UNC13C: variants seen among roughly 807,000 people sequenced by gnomAD.
UNC13C encodes unc-13 homolog C.
Under a neutral mutation model 245.4 loss-of-function variants are expected in UNC13C, and 174 were observed. The ratio of observed to expected loss-of-function variants is 0.71; its 90% confidence interval spans 0.63 to 0.80. UNC13C has a LOEUF of 0.80. Among genes scored for constraint, UNC13C ranks in the 30% least tolerant of loss-of-function variants. The pLI, the probability that UNC13C is intolerant of heterozygous loss-of-function variation, is 0.00. For synonymous variants in UNC13C, 992 were observed against 895.1 expected (o/e 1.11, Z -1.93); for missense variants, 2,829 against 2,602.9 (o/e 1.09, Z -1.89).
chr15:54,436,365 G>A (rs1319803301), intron 19 of UNC13C, among the ~76,000 whole-genome samples: 1 of 151,986 alleles, frequency 6.6e-6, no homozygotes, highest in African/African-American at 2.4e-5. Context: ...GCACATGTAT[G>A]TTTATTGCAG....
chr15:54,228,322 C>G (rs1022590064), intron 4 of UNC13C, among the ~76,000 whole-genome samples: 1 of 152,184 alleles, frequency 6.6e-6, no homozygotes, highest in South Asian at 2.1e-4. Flanking sequence ...TCAGGGACCC[C>G]AAGAACTCTG....
intron 26 of UNC13C, among the ~76,000 whole-genome samples, chr15:54,536,613 T>C (rs556270106): frequency 6.6e-6 from 1 of 152,036 alleles, no homozygotes; most frequent in Admixed American, 6.6e-5. Flanking sequence ...CCAAGCAGCA[T>C]ATCAAAAAGC....
At chr15:54,405,610 A>G (rs1362317071) in intron 18 of UNC13C, among the ~76,000 whole-genome samples, 1 of 152,184 alleles carries the variant, frequency 6.6e-6, no homozygotes, top group African/African-American at 2.4e-5. Context: ...AAACACTATT[A>G]TGGAAATATT....
At chr15:54,021,088 T>C (rs1210019601) in intron 2 of UNC13C, among the ~76,000 whole-genome samples, 1 of 152,206 alleles carries the variant, frequency 6.6e-6, no homozygotes, top group Middle Eastern at 3.2e-3. Context: ...TGTGTATATT[T>C]ATGCGGTATA....
intron 13 of UNC13C, among the ~76,000 whole-genome samples, chr15:54,313,051 C>T (rs2037917069): frequency 6.6e-6 from 1 of 151,702 alleles, no homozygotes; most frequent in African/African-American, 2.4e-5. Flanking sequence ...CAGCTAGCTA[C>T]CATCCATCAT....
At chr15:54,464,356 A>T (rs1353586172) in intron 19 of UNC13C, among the ~76,000 whole-genome samples, 1 of 151,978 alleles carries the variant, frequency 6.6e-6, no homozygotes, top group Non-Finnish European at 1.5e-5. Context: ...AATAGAGAAA[A>T]CTTTCTCTGA....
At chr15:54,202,268 C>T (rs1486463175) in intron 4 of UNC13C, among the ~76,000 whole-genome samples, 2 of 151,896 alleles carry the variant, frequency 1.3e-5, no homozygotes, top group Non-Finnish European at 2.9e-5. Flanking sequence ...AAATTCGATA[C>T]AATTCCTATC....
chr15:54,473,257 G>A (rs1892557276), intron 19 of UNC13C, among the ~76,000 whole-genome samples: 1 of 151,384 alleles, frequency 6.6e-6, no homozygotes, highest in Non-Finnish European at 1.5e-5. Flanking sequence ...ACATATGTAT[G>A]GGACATATGA....
chr15:54,236,224 C>T (rs567988690), intron 5 of UNC13C, among the ~76,000 whole-genome samples: 93 of 152,186 alleles, frequency 6.1e-4, no homozygotes, highest in African/African-American at 2.2e-3. Flanking sequence ...TGAAGGCCAC[C>T]ACTTTGGTTT....
At chr15:54,321,445 C>T in intron 13 of UNC13C, 1 of 492,718 alleles carries the variant, frequency 2.0e-6, no homozygotes, top group South Asian at 1.5e-5. Context: ...CTTGCATCTG[C>T]CTTTGCGGCC....
At chr15:54,328,944 A>G (rs995067071) in intron 14 of UNC13C, among the ~76,000 whole-genome samples, 7 of 152,106 alleles carry the variant, frequency 4.6e-5, no homozygotes, top group African/African-American at 1.4e-4. Context: ...CATATTGTCT[A>G]TGGCAGCTAC....
intron 4 of UNC13C, among the ~76,000 whole-genome samples, chr15:54,207,379 A>G (rs1003538528): frequency 6.6e-6 from 1 of 151,956 alleles, no homozygotes; most frequent in East Asian, 1.9e-4. Context: ...TCTTTCTCTC[A>G]TGTCCTCAGT....
At chr15:54,066,586 C>A (rs2141089290) in intron 2 of UNC13C, among the ~76,000 whole-genome samples, 1 of 152,274 alleles carries the variant, frequency 6.6e-6, no homozygotes, top group South Asian at 2.1e-4. Flanking sequence ...GAGAGCACTC[C>A]TCCGTTGAGG....
intron 2 of UNC13C, among the ~76,000 whole-genome samples, chr15:54,046,049 G>T (rs140398678): frequency 2.0e-4 from 30 of 152,140 alleles, no homozygotes; most frequent in African/African-American, 7.0e-4. Flanking sequence ...TCTCAAGTTT[G>T]CTGTTTTTTT....
chr15:54,482,719 C>T (rs1893192862), intron 19 of UNC13C, among the ~76,000 whole-genome samples: 1 of 149,486 alleles, frequency 6.7e-6, no homozygotes, highest in African/African-American at 2.5e-5. Context: ...TCTAGTTTAC[C>T]CATCTTGAAG....
chr15:54,474,040 T>C (rs184520290), intron 19 of UNC13C, among the ~76,000 whole-genome samples: 180 of 152,092 alleles, frequency 1.2e-3, no homozygotes, highest in African/African-American at 2.1e-3. Flanking sequence ...TAATATTCCA[T>C]TGGGCTTACT....
chr15:54,243,597 G>C (rs555452998), intron 7 of UNC13C, among the ~76,000 whole-genome samples: 2 of 94,516 alleles, frequency 2.1e-5, no homozygotes, highest in East Asian at 5.4e-4. Context: ...CCCACCAACA[G>C]TGTAAAGCAT....
At chr15:54,447,004 C>T (rs944747592) in intron 19 of UNC13C, among the ~76,000 whole-genome samples, 16 of 152,004 alleles carry the variant, frequency 1.1e-4, no homozygotes, top group South Asian at 4.2e-4. Flanking sequence ...GCATGAAGGG[C>T]TGTTGAATTT....
intron 10 of UNC13C, among the ~76,000 whole-genome samples, chr15:54,266,426 T>C (rs888053737): frequency 6.6e-6 from 1 of 151,774 alleles, no homozygotes; most frequent in Admixed American, 6.6e-5. Flanking sequence ...AGACAAGAAA[T>C]CAATTGGAAG....
Sources: allele counts gnomAD v4.1 joint callset (sites outside exome capture counted in the v4.1 genomes callset), GRCh38; gene constraint gnomAD v4.1.1; transcripts MANE v1.5; gene names NCBI Gene and HGNC (gene_info 2026-07-23, HGNC 2026-07-21).